The following CWC25 variants were observed in gnomAD, a reference collection of about 807,000 sequenced individuals.
CWC25 encodes the protein CWC25 spliceosome associated protein.
In CWC25, 31 loss-of-function variants were observed where a neutral mutation model predicts 54.6. The observed-to-expected ratio is 0.57, with a 90% CI of 0.43 to 0.77. The LOEUF is 0.77. Among genes scored for constraint, CWC25 ranks in the 30% least tolerant of loss-of-function variants. CWC25 has a pLI of 0.00. For synonymous variants in CWC25, 151 were observed against 187.0 expected (o/e 0.81, Z 1.57); for missense variants, 453 against 529.3 (o/e 0.86, Z 1.41).
intron 6 of CWC25, among the ~76,000 whole-genome samples, chr17:38,809,277 A>C (rs1388654761): frequency 1.3e-5 from 2 of 150,994 alleles, no homozygotes; most frequent in Admixed American, 1.3e-4. Flanking sequence ...AAAATACAAA[A>C]ATTAGTCGGG....
chr17:38,810,391 G>C, intron 5 of CWC25, 77 bp downstream of exon 5: 2 of 1,428,138 alleles, frequency 1.4e-6, no homozygotes, highest in South Asian at 1.5e-5. Context: ...CACAGGGCAG[G>C]TGTTCATGTC....
At chr17:38,805,264 G>T (rs1294369463) in intron 8 of CWC25, among the ~76,000 whole-genome samples, 1 of 152,080 alleles carries the variant, frequency 6.6e-6, no homozygotes, top group East Asian at 1.9e-4. Flanking sequence ...GATACAACAA[G>T]ATGCTGTCTC....
In CWC25 at chr17:38,801,791, C is replaced by A. The variant is rs767667235; in HGVS notation, c.*301G>T. 7.6e-6 allele frequency: 2 copies of A among 262,538 alleles called. No homozygotes were observed. Among genetic ancestry groups the A allele is most frequent in the Non-Finnish European group, 1.4e-5 (2 of 139,140 alleles). The allele number at this position is 262,538 out of a possible 1,614,324, so 16.3% of individuals were successfully genotyped here. Reference sequence around the variant, plus strand: ...GTTGGCACAGGTAAGAAGGAAGTGGCATGATAAACATCACAACCCCAGGGA... The same window carrying A: ...GTTGGCACAGGTAAGAAGGAAGTGGAATGATAAACATCACAACCCCAGGGA... On this transcript the variant is annotated 3_prime_UTR_variant, in exon 10 of 10. Coordinates refer to ENST00000614790, the MANE Select transcript of CWC25 (RefSeq NM_017748.5).
In CWC25 at chr17:38,812,882, C is replaced by A. The variant is rs1438031455; in HGVS notation, c.429-18G>T. The A allele has an allele frequency of 1.5e-6, 2 of 1,363,498 alleles. No individual in the cohort carries two copies. Among genetic ancestry groups the A allele is most frequent in the South Asian group, 2.5e-5 (2 of 80,232 alleles). 84.5% of individuals were successfully genotyped at this position (1,363,498 alleles called of 1,614,324 possible). On this transcript the variant is annotated intron_variant, in intron 3 of 9. Transcript: ENST00000614790. ...CCTTCTTCCTAAAGAGAGATAATTACAAAATTCATGACTATTTCTTTTCTC... is the reference window on the plus strand; with the variant it reads ...CCTTCTTCCTAAAGAGAGATAATTAAAAAATTCATGACTATTTCTTTTCTC...
rs184538532 is a variant in CWC25, at chr17:38,804,904, C to T, written c.1001+1393G>A. 4.2e-3 allele frequency among the ~76,000 whole-genome samples: 629 copies of T among 150,858 alleles called. 7 individuals carry two copies. The highest frequency in any genetic ancestry group is 0.015 in the African/African-American group (610 of 41,052). ...GGCAGATCACCTGAGGTTGGGAGTT[C>T]GAGACCAGCCTGACCAACATGGAGA... On this transcript the variant is annotated intron_variant, in intron 8 of 9. Coordinates refer to ENST00000614790, the MANE Select transcript of CWC25 (RefSeq NM_017748.5).
chr17:38,814,428 C>G (rs1598074198), intron 3 of CWC25, among the ~76,000 whole-genome samples: 2 of 150,724 alleles, frequency 1.3e-5, no homozygotes, highest in Admixed American at 6.6e-5. Context: ...CTACAGGCAC[C>G]CAGGGTCTCA....
At chr17:38,809,180 C>T (rs1911378723) in intron 6 of CWC25, among the ~76,000 whole-genome samples, 1 of 151,794 alleles carries the variant, frequency 6.6e-6, no homozygotes, top group Non-Finnish European at 1.5e-5. Flanking sequence ...GTAATCCCAG[C>T]ACTTTGGGAG....
chr17:38,808,369 G>A (rs1911342911), intron 6 of CWC25, among the ~76,000 whole-genome samples: 5 of 136,288 alleles, frequency 3.7e-5, no homozygotes, highest in Admixed American at 2.4e-4. Flanking sequence ...GCGACAGAGC[G>A]AGACTCCCTC....
Position 38,806,839 on chromosome 17 carries a change from G to T in CWC25, c.828C>A (p.Thr276=). 1.2e-6 allele frequency: 2 copies of T among 1,613,532 alleles called. No homozygotes were observed. The highest frequency in any genetic ancestry group is 1.7e-6 in the Non-Finnish European group (2 of 1,179,784). Residue 276 remains threonine (T), a synonymous_variant, in exon 7 of 10, where the codon ACC becomes ACA. Coordinates refer to ENST00000614790, the MANE Select transcript of CWC25 (RefSeq NM_017748.5). ...SPPRHASKKS[T]REAGSRDRRS... ...TCCTGTCCCGGGACCCTGCTTCCCT[G>T]GTGCTCTTCTTGCTGGCATGTCTTG...
intron 2 of CWC25, among the ~76,000 whole-genome samples, chr17:38,819,524 G>A (rs1431330500): frequency 2.0e-5 from 3 of 150,536 alleles, no homozygotes; most frequent in African/African-American, 2.4e-5. Flanking sequence ...ATGCTACCAC[G>A]CCCAGTTAAT....
At chr17:38,818,588 C>CAAA (rs56382375) in intron 2 of CWC25, among the ~76,000 whole-genome samples, 12 of 48,500 alleles carry the variant, frequency 2.5e-4, no homozygotes, top group African/African-American at 6.5e-4. Context: ...GACTCCATCT[C>CAAA]AAAAAAAAAA....
At position 38,817,799 on chromosome 17, in the gene CWC25, CAAT is replaced by C. The variant is rs753141767; in HGVS notation, c.192-2705_192-2703del. Among the ~76,000 whole-genome samples the C allele has an allele frequency of 4.0e-5, 6 of 150,448 alleles. No homozygotes were observed. The South Asian group carries it at 8.4e-4, about 21-fold the overall frequency. ...AGACTCTGTCACACAAAAATAATAA[CAAT>C]AATAATAATAATAATTAGCCAGGCG... On this transcript the variant is annotated intron_variant, in intron 2 of 9. Coordinates refer to ENST00000614790, the MANE Select transcript of CWC25 (RefSeq NM_017748.5).
chr17:38,825,061 G>C, intron 1 of CWC25, 105 bp downstream of exon 1: 1 of 1,097,260 alleles, frequency 9.1e-7, no homozygotes, highest in Non-Finnish European at 1.3e-6. Flanking sequence ...CCCGGCGAAA[G>C]CAAAGCTGCG....
chr17:38,821,209 T>C (rs1368146360), intron 1 of CWC25, 136 bp from the exon 2 acceptor site: 4 of 767,096 alleles, frequency 5.2e-6, no homozygotes, highest in Non-Finnish European at 8.2e-6. Context: ...TGGCAAGGTT[T>C]TCTTCCAATA....
At chr17:38,811,388 C>T (rs541888885) in intron 4 of CWC25, among the ~76,000 whole-genome samples, 2 of 151,992 alleles carry the variant, frequency 1.3e-5, no homozygotes, top group East Asian at 3.9e-4. Context: ...AAAAAATTAG[C>T]TGGGCATGGT....
intron 8 of CWC25, among the ~76,000 whole-genome samples, chr17:38,803,384 C>CT (rs1299581979): frequency 6.6e-6 from 1 of 152,174 alleles, no homozygotes; most frequent in Non-Finnish European, 1.5e-5. Flanking sequence ...AATCCCAGCA[C>CT]TTTGGGAGGC....
chr17:38,812,508 T>A (rs931828746), intron 4 of CWC25, among the ~76,000 whole-genome samples: 1 of 152,112 alleles, frequency 6.6e-6, no homozygotes, highest in African/African-American at 2.4e-5. Context: ...ATCCCTGTAA[T>A]CCCAGCTACT....
At chr17:38,821,941 G>C (rs1416367831) in intron 1 of CWC25, among the ~76,000 whole-genome samples, 1 of 151,900 alleles carries the variant, frequency 6.6e-6, no homozygotes, top group African/African-American at 2.4e-5. Context: ...GCTAATTTTT[G>C]TATTTTTTAG....
chr17:38,818,726 T>C (rs1911805348), intron 2 of CWC25, among the ~76,000 whole-genome samples: 1 of 150,996 alleles, frequency 6.6e-6, no homozygotes, highest in Non-Finnish European at 1.5e-5. Context: ...TGTTTTACAA[T>C]ATTGTAGGAC....
Sources: allele counts gnomAD v4.1 joint callset (sites outside exome capture counted in the v4.1 genomes callset), GRCh38; gene constraint gnomAD v4.1.1; transcripts MANE v1.5; gene names NCBI Gene and HGNC (gene_info 2026-07-23, HGNC 2026-07-21).